Variants in ERI3 observed in about 807,000 individuals in gnomAD.
ERI3 encodes ERI1 exoribonuclease 3.
ERI3 carries 18 observed loss-of-function variants against 44.4 expected under a neutral mutation model. The observed-to-expected ratio is 0.41, with a 90% CI of 0.28 to 0.60. The LOEUF (loss-of-function observed/expected upper bound fraction) is 0.60. Ranked by LOEUF, ERI3 falls within the 20% of genes least tolerant of loss-of-function variation. The pLI is 0.36. For missense variants in ERI3, 294 were observed against 435.5 expected, an observed-to-expected ratio of 0.68 and a Z score of 2.89; for synonymous variants, 183 against 164.8, an observed-to-expected ratio of 1.11 and a Z score of -0.84.
intron 6 of ERI3, among the ~76,000 whole-genome samples, chr1:44,289,484 C>G (rs955324284): frequency 1.3e-5 from 2 of 152,224 alleles, no homozygotes; most frequent in African/African-American, 2.4e-5. Context: ...TACTCAAGTT[C>G]CTTTATTACT....
At chr1:44,324,474 C>CT (rs1220580480) in intron 3 of ERI3, among the ~76,000 whole-genome samples, 23 of 119,112 alleles carry the variant, frequency 1.9e-4, no homozygotes, top group African/African-American at 6.6e-4. Context: ...GCAACATAGA[C>CT]TCTTTTTTTT....
chr1:44,290,784 GAT>G (rs1645490517), intron 6 of ERI3, among the ~76,000 whole-genome samples: 1 of 152,154 alleles, frequency 6.6e-6, no homozygotes, highest in South Asian at 2.1e-4. Flanking sequence ...AGTAGCTAGT[GAT>G]GGATGGGCTG....
chr1:44,291,913 G>A (rs1027745189), intron 6 of ERI3, among the ~76,000 whole-genome samples: 3 of 152,014 alleles, frequency 2.0e-5, no homozygotes, highest in African/African-American at 7.3e-5. Flanking sequence ...TGGGGCATGC[G>A]GTTCAACCCC....
intron 8 of ERI3, among the ~76,000 whole-genome samples, chr1:44,226,778 A>AACAC (rs60011057): frequency 0.079 from 11,301 of 143,366 alleles, 1,006 homozygotes; most frequent in African/African-American, 0.22. Flanking sequence ...AGCATTATTA[A>AACAC]ACACACACAC....
rs141080967 is a variant in ERI3 at position 44,241,739 on chromosome 1, C to T, written c.931+6200G>A. Among the ~76,000 whole-genome samples, 63 of 152,050 alleles carry T rather than the reference C, an allele frequency of 4.1e-4. No individual in the cohort carries two copies. The East Asian group carries it at 0.011, about 28-fold the overall frequency. On this transcript the variant is annotated intron_variant, in intron 8 of 8. Coordinates refer to ENST00000372257, the MANE Select transcript of ERI3 (RefSeq NM_024066.3). The surrounding 1 kb of genome is among the most constrained non-coding windows in gnomAD (Gnocchi z 5.6). The stretch of plus-strand genomic sequence containing the variant: ...AGAGAGAGACAAGGGGAGGCGAGGC[C>T]GGGGCCTGGGGCTAGGAAGGTGGGG...
At chr1:44,291,722 C>A (rs1645511097) in intron 6 of ERI3, among the ~76,000 whole-genome samples, 1 of 152,202 alleles carries the variant, frequency 6.6e-6, no homozygotes, top group Admixed American at 6.5e-5. Context: ...CAGAGAGTCC[C>A]ACACTGCTGC....
intron 4 of ERI3, among the ~76,000 whole-genome samples, chr1:44,314,135 C>CT (rs1013264802): frequency 4.9e-5 from 7 of 144,040 alleles, no homozygotes; most frequent in Non-Finnish European, 9.2e-5. Context: ...TTGGAAACTT[C>CT]TTTTTTTTAA....
At chr1:44,337,910 TCA>T (rs1370800600) in intron 3 of ERI3, among the ~76,000 whole-genome samples, 1 of 152,122 alleles carries the variant, frequency 6.6e-6, no homozygotes, top group African/African-American at 2.4e-5. Flanking sequence ...TGTCTATGCA[TCA>T]CACACTCTAT....
At chr1:44,326,623 T>C (rs946250656) in intron 3 of ERI3, among the ~76,000 whole-genome samples, 1 of 152,224 alleles carries the variant, frequency 6.6e-6, no homozygotes, top group Non-Finnish European at 1.5e-5. Flanking sequence ...TGTTTGTCAG[T>C]TGCTTTGTGC....
intron 8 of ERI3, among the ~76,000 whole-genome samples, chr1:44,231,969 T>C (rs891483105): frequency 1.3e-5 from 2 of 152,274 alleles, no homozygotes; most frequent in African/African-American, 2.4e-5. Flanking sequence ...CTTCCAACCT[T>C]GAGGGGAGTT....
intron 2 of ERI3, among the ~76,000 whole-genome samples, chr1:44,351,461 C>T (rs766934012): frequency 6.6e-6 from 1 of 152,206 alleles, no homozygotes. Flanking sequence ...TAACTGTCAC[C>T]TTTATTTTAT....
chr1:44,311,289 G>A (rs895043677), intron 5 of ERI3, among the ~76,000 whole-genome samples: 3 of 152,080 alleles, frequency 2.0e-5, no homozygotes, highest in Non-Finnish European at 2.9e-5. Flanking sequence ...TTAGGACCCC[G>A]GCCATTCGCT....
At chr1:44,351,549 G>A (rs750416336) in intron 2 of ERI3, among the ~76,000 whole-genome samples, 18 of 152,210 alleles carry the variant, frequency 1.2e-4, no homozygotes, top group Admixed American at 3.9e-4. Flanking sequence ...TAACTGCAGA[G>A]TTTAGTAGAG....
intron 3 of ERI3, among the ~76,000 whole-genome samples, chr1:44,323,510 C>T (rs1425326479): frequency 6.6e-6 from 1 of 152,174 alleles, no homozygotes; most frequent in Non-Finnish European, 1.5e-5. Flanking sequence ...TACTATTCAC[C>T]AGGCAGGGGC....
chr1:44,222,040 C>G (rs1393759230), intron 8 of ERI3, among the ~76,000 whole-genome samples: 1 of 152,274 alleles, frequency 6.6e-6, no homozygotes, highest in Non-Finnish European at 1.5e-5. Context: ...ACTCCGTCTT[C>G]CCGCCACCCG....
intron 6 of ERI3, among the ~76,000 whole-genome samples, chr1:44,288,101 A>G (rs1287101310): frequency 1.3e-5 from 2 of 152,186 alleles, no homozygotes; most frequent in East Asian, 1.9e-4. Flanking sequence ...GATGATGCCT[A>G]TTCTTCTCAG....
At chr1:44,258,409 G>T (rs914840658) in intron 7 of ERI3, among the ~76,000 whole-genome samples, 2 of 152,036 alleles carry the variant, frequency 1.3e-5, no homozygotes, top group South Asian at 2.1e-4. Context: ...CAGCATACAC[G>T]CCTTCACTTT....
chr1:44,293,592 A>C (rs1645552291), intron 6 of ERI3, among the ~76,000 whole-genome samples: 1 of 152,154 alleles, frequency 6.6e-6, no homozygotes, highest in African/African-American at 2.4e-5. Context: ...AGGAAGCTAC[A>C]TTTCCCCCAC....
chr1:44,346,396 T>C (rs1213033576), intron 2 of ERI3, among the ~76,000 whole-genome samples: 2 of 152,242 alleles, frequency 1.3e-5, no homozygotes, highest in Non-Finnish European at 2.9e-5. Flanking sequence ...TTGTTTGTGA[T>C]TTGCCTGCTG....
Sources: gnomAD v4.1 joint callset for allele counts (sites outside exome capture counted in the v4.1 genomes callset) on GRCh38, gnomAD v4.1.1 for gene constraint, Gnocchi (gnomAD v3.1) non-coding constraint, MANE v1.5 for transcripts, NCBI Gene and HGNC (gene_info 2026-07-23, HGNC 2026-07-21) for gene names.